Variants in TMEM182 observed in about 807,000 individuals in gnomAD.
TMEM182 encodes transmembrane protein 182.
TMEM182 carries 20 observed loss-of-function variants against 26.8 expected under a neutral mutation model. That is an observed-to-expected ratio of 0.75 (90% CI 0.53 to 1.09). The LOEUF (loss-of-function observed/expected upper bound fraction) is 1.09. Among genes scored for constraint, TMEM182 ranks in the 50% least tolerant of loss-of-function variants. The pLI, the probability that TMEM182 is intolerant of heterozygous loss-of-function variation, is 0.00. For missense variants in TMEM182, 277 were observed against 275.5 expected (o/e 1.01, Z -0.04); for synonymous variants, 109 against 102.2 (o/e 1.07, Z -0.40).
At chr2:102,803,785 G>A (rs1682240492) in intron 4 of TMEM182, among the ~76,000 whole-genome samples, 1 of 152,130 alleles carries the variant, frequency 6.6e-6, no homozygotes, top group Non-Finnish European at 1.5e-5. Context: ...AGTGTGTGGG[G>A]CAAGTCAAGA....
downstream of TMEM182, among the ~76,000 whole-genome samples, chr2:102,818,385 G>A (rs1445561965): frequency 2.0e-5 from 3 of 152,144 alleles, no homozygotes; most frequent in East Asian, 1.9e-4. Flanking sequence ...CATAAAGTTA[G>A]CAAAGGGACA....
rs1277692028 is a variant in TMEM182 at position 102,781,703 on chromosome 2, T to C, written c.332-16160T>C. 3.3e-5 allele frequency among the ~76,000 whole-genome samples: 5 copies of C among 152,232 alleles called. No individual in the cohort carries two copies. In the South Asian group the frequency reaches 1.0e-3, roughly 32 times the overall value. On this transcript the variant is annotated intron_variant, in intron 3 of 4. Coordinates refer to ENST00000412401, the MANE Select transcript of TMEM182 (RefSeq NM_144632.5). ...GGGAATGATGAGATGGACCAAATAC[T>C]GCTGAGAAGTAGAGGAAGGCGCAAC...
intron 3 of TMEM182, among the ~76,000 whole-genome samples, chr2:102,828,861 C>T (rs546612080): frequency 3.9e-5 from 6 of 152,234 alleles, no homozygotes; most frequent in African/African-American, 1.2e-4. Flanking sequence ...GAAGGAGTAG[C>T]ATCTAAAAAG....
chr2:102,813,822 G>A (rs1482622329), intron 4 of TMEM182, among the ~76,000 whole-genome samples: 1 of 152,152 alleles, frequency 6.6e-6, no homozygotes, highest in Non-Finnish European at 1.5e-5. Context: ...GTGGATTACA[G>A]TTACGTTGTA....
intron 4 of TMEM182, among the ~76,000 whole-genome samples, chr2:102,805,465 A>C (rs531027446): frequency 6.6e-6 from 1 of 152,246 alleles, no homozygotes; most frequent in South Asian, 2.1e-4. Flanking sequence ...CCCAACCTCC[A>C]ACCTTGTTGG....
At chr2:102,739,641 C>G (rs1679489963) in intron 1 of TMEM182, among the ~76,000 whole-genome samples, 1 of 152,164 alleles carries the variant, frequency 6.6e-6, no homozygotes, top group Non-Finnish European at 1.5e-5. Flanking sequence ...ATGCCTAGCT[C>G]CTCCTTTGCT....
intron 1 of TMEM182, among the ~76,000 whole-genome samples, chr2:102,746,642 G>A (rs550035366): frequency 1.6e-4 from 24 of 152,162 alleles, no homozygotes; most frequent in African/African-American, 5.8e-4. Flanking sequence ...CACCCAGGCT[G>A]GAGTGCAATG....
chr2:102,789,110 G>C (rs1681527334), intron 3 of TMEM182, among the ~76,000 whole-genome samples: 2 of 152,184 alleles, frequency 1.3e-5, no homozygotes, highest in Non-Finnish European at 2.9e-5. Flanking sequence ...AGGGAGGTGG[G>C]GGGTAGTGGC....
intron 3 of TMEM182, among the ~76,000 whole-genome samples, chr2:102,823,542 C>A (rs1682968800): frequency 6.6e-6 from 1 of 152,014 alleles, no homozygotes; most frequent in African/African-American, 2.4e-5. Flanking sequence ...ACTATGTTGG[C>A]CAGGCTGGTC....
chr2:102,807,764 A>C (rs1187678008), intron 4 of TMEM182, among the ~76,000 whole-genome samples: 1 of 152,198 alleles, frequency 6.6e-6, no homozygotes, highest in African/African-American at 2.4e-5. Context: ...CTTTAGCAAG[A>C]CATAGAGGAC....
At chr2:102,793,978 G>T (rs1331804673) in intron 3 of TMEM182, among the ~76,000 whole-genome samples, 1 of 152,164 alleles carries the variant, frequency 6.6e-6, no homozygotes, top group Non-Finnish European at 1.5e-5. Flanking sequence ...AAGGTGGCAG[G>T]AGGATTGTTT....
chr2:102,815,196 G>A lies in TMEM182; in HGVS notation c.*228G>A. 2.2e-6 allele frequency: 3 copies of A among 1,343,392 alleles called. No individual in the cohort carries two copies. Among genetic ancestry groups the A allele is most frequent in the South Asian group, 1.7e-5 (1 of 59,204 alleles). 83.2% of individuals were successfully genotyped at this position (1,343,392 alleles called of 1,614,324 possible). A position where few individuals can be genotyped will look rare whatever the true frequency, so the allele number is the denominator to read the frequency against. On this transcript the variant is annotated 3_prime_UTR_variant, in exon 5 of 5. Coordinates refer to ENST00000412401, the MANE Select transcript of TMEM182 (RefSeq NM_144632.5). ...TGCTGTCAAGGACCTAGTTCTTTAGGGAATAGGTAAACAGGTCTCCCTTTC... is the reference window on the plus strand; with the variant it reads ...TGCTGTCAAGGACCTAGTTCTTTAGAGAATAGGTAAACAGGTCTCCCTTTC...
At chr2:102,837,605 C>T (rs917283354) in intron 3 of TMEM182, among the ~76,000 whole-genome samples, 4 of 152,008 alleles carry the variant, frequency 2.6e-5, no homozygotes, top group Admixed American at 2.0e-4. Flanking sequence ...AAGGTTCCTG[C>T]GTGAAATGTG....
intron 4 of TMEM182, among the ~76,000 whole-genome samples, chr2:102,811,467 T>C (rs1182430633): frequency 6.6e-6 from 1 of 152,240 alleles, no homozygotes; most frequent in Non-Finnish European, 1.5e-5. Context: ...TTTGAACTTA[T>C]GTAAATATAC....
At chr2:102,766,795 T>G (rs983122093) in intron 3 of TMEM182, among the ~76,000 whole-genome samples, 2 of 152,226 alleles carry the variant, frequency 1.3e-5, no homozygotes, top group Non-Finnish European at 2.9e-5. Flanking sequence ...TTCTGATGTA[T>G]TGTGGCCTGG....
At position 102,816,095 on chromosome 2, in the gene TMEM182, T is replaced by A; in HGVS notation, c.*1127T>A. 6.1e-6 allele frequency: 6 copies of A among 985,392 alleles called. No homozygotes were observed. The South Asian group carries it at 2.4e-4, about 39-fold the overall frequency. The allele number at this position is 985,392 out of a possible 1,614,324, so 61.0% of individuals were successfully genotyped here. A position where few individuals can be genotyped will look rare whatever the true frequency, so the allele number is the denominator to read the frequency against. On this transcript the variant is annotated 3_prime_UTR_variant, in exon 5 of 5. Coordinates refer to ENST00000412401, the MANE Select transcript of TMEM182 (RefSeq NM_144632.5). Reference sequence around the variant, plus strand: ...GAAAGTTTTTGTGGGGAAAGATGATTCTGTATTATTCAGTAGCATAGACAT... The same window carrying A: ...GAAAGTTTTTGTGGGGAAAGATGATACTGTATTATTCAGTAGCATAGACAT...
At chr2:102,763,285 A>G (rs948061325) in intron 2 of TMEM182, among the ~76,000 whole-genome samples, 4 of 152,190 alleles carry the variant, frequency 2.6e-5, no homozygotes, top group African/African-American at 4.8e-5. Context: ...TTAAGGTAGC[A>G]TAACTTTTAA....
At chr2:102,747,682 A>C (rs538882670) in intron 1 of TMEM182, among the ~76,000 whole-genome samples, 1 of 152,336 alleles carries the variant, frequency 6.6e-6, no homozygotes, top group Admixed American at 6.5e-5. Context: ...TTAAAGGAAA[A>C]AAATGAGAGA....
At chr2:102,774,152 C>T (rs536553915) in intron 3 of TMEM182, among the ~76,000 whole-genome samples, 3 of 151,584 alleles carry the variant, frequency 2.0e-5, no homozygotes, top group African/African-American at 4.8e-5. Flanking sequence ...TATTTTAAAG[C>T]AAATTCCAAA....
Sources: gnomAD v4.1 joint callset for allele counts (sites outside exome capture counted in the v4.1 genomes callset) on GRCh38, gnomAD v4.1.1 for gene constraint, MANE v1.5 for transcripts, NCBI Gene and HGNC (gene_info 2026-07-23, HGNC 2026-07-21) for gene names.